The following GALNT16 variants were observed in gnomAD, a reference collection of about 807,000 sequenced individuals.
GALNT16 encodes polypeptide N-acetylgalactosaminyltransferase 16, also known as UDP-GalNAc:polypeptide N-acetylgalactosaminyltransferase-like protein 1.
A neutral mutation model predicts 76.1 loss-of-function variants in GALNT16; 40 were observed. The observed-to-expected ratio is 0.53, with a 90% CI of 0.41 to 0.68. The LOEUF (loss-of-function observed/expected upper bound fraction) is 0.68, where lower values mean the gene tolerates loss of function less well. Among genes scored for constraint, GALNT16 ranks in the 30% least tolerant of loss-of-function variants. The pLI is 0.00. For missense variants in GALNT16, 621 were observed against 731.9 expected (o/e 0.85, Z 1.75); for synonymous variants, 276 against 285.2 (o/e 0.97, Z 0.32).
In GALNT16 at chr14:69,287,039, A is replaced by C. The variant is rs551045764; in HGVS notation, c.177+26572A>C. Among the ~76,000 whole-genome samples the C allele has an allele frequency of 2.0e-5, 3 of 152,288 alleles. No individual in the cohort carries two copies. In the South Asian group the frequency reaches 6.2e-4, roughly 32 times the overall value. On this transcript the variant is annotated intron_variant, in intron 1 of 14. Transcript: ENST00000448469. ...TTGACCAGTGTAGCCCCCATCAGTG[A>C]ATCAAGAGACTTTCCCGGACATATG...
At chr14:69,285,935 C>T (rs1054162421) in intron 1 of GALNT16, among the ~76,000 whole-genome samples, 10 of 152,188 alleles carry the variant, frequency 6.6e-5, no homozygotes, top group Admixed American at 6.5e-4. Context: ...AGCTCAGCAT[C>T]CTGGTCTGAC....
the GALNT16 span, chr14:69,380,619 T>C: frequency 6.2e-7 from 1 of 1,611,062 alleles, no homozygotes; most frequent in Non-Finnish European, 8.5e-7. Flanking sequence ...AAGGCTGGTA[T>C]GTCTGGGTAT....
chr14:69,345,768 G>T (rs1418700342), intron 12 of GALNT16, among the ~76,000 whole-genome samples: 1 of 147,520 alleles, frequency 6.8e-6, no homozygotes, highest in Non-Finnish European at 1.5e-5. Flanking sequence ...ATTTTCCTGG[G>T]CATATAAAGT....
At chr14:69,260,798 G>A (rs1040023304) in intron 1 of GALNT16, among the ~76,000 whole-genome samples, 4 of 152,052 alleles carry the variant, frequency 2.6e-5, no homozygotes, top group Non-Finnish European at 5.9e-5. Flanking sequence ...GGCTGCGGGA[G>A]CCTCGTGTGC....
In GALNT16 at chr14:69,339,598, C is replaced by T; in HGVS notation, c.1166C>T (p.Ala389Val). The change falls in exon 11 of 15, where the codon GCC (alanine) becomes GTC (valine). Residue 389 changes from alanine to valine, a missense_variant. Ala to Val is a moderately conservative substitution (Grantham distance 64). Coordinates refer to ENST00000448469, the MANE Select transcript of GALNT16 (RefSeq NM_001168368.2). Reference protein sequence around the residue: ...KQYYYEARPSAIGKAFGSVAT... With the variant: ...KQYYYEARPSVIGKAFGSVAT... The stretch of plus-strand genomic sequence containing the variant: ...TACTACTATGAGGCCCGGCCCTCGG[C>T]CATCGGGAAGGCCTTCGGCAGGTGG... 1 of 1,607,354 alleles carries T rather than the reference C, an allele frequency of 6.2e-7. No homozygotes were observed. Among genetic ancestry groups the T allele is most frequent in the Non-Finnish European group, 8.5e-7 (1 of 1,175,660 alleles).
intron 1 of GALNT16, among the ~76,000 whole-genome samples, chr14:69,285,216 A>T (rs1437688013): frequency 2.6e-5 from 4 of 151,622 alleles, no homozygotes; most frequent in Admixed American, 2.0e-4. Flanking sequence ...AATTTTTTGT[A>T]TTTTTAGTAG....
chr14:69,312,830 C>T (rs984540526), intron 1 of GALNT16, among the ~76,000 whole-genome samples: 3 of 152,112 alleles, frequency 2.0e-5, no homozygotes, highest in African/African-American at 7.2e-5. Flanking sequence ...AGCTGTGTGC[C>T]GGGCACCAGA....
chr14:69,263,819 A>G (rs1219482120), intron 1 of GALNT16, among the ~76,000 whole-genome samples: 1 of 152,264 alleles, frequency 6.6e-6, no homozygotes, highest in African/African-American at 2.4e-5. Flanking sequence ...TGTAAAGCTA[A>G]AGGGAGATAC....
intron 2 of GALNT16, among the ~76,000 whole-genome samples, chr14:69,322,923 GGGGTGTGTGTGTGTGTGTGTGTGTGT>G (rs2045210417): frequency 1.9e-5 from 2 of 105,152 alleles, no homozygotes; most frequent in East Asian, 7.1e-4. Context: ...GGTGGCTCAC[GGGGTGTGTGTGTGTGTGTGTGTGTGT>G]GTGTGTGTGT....
intron 1 of GALNT16, among the ~76,000 whole-genome samples, chr14:69,282,927 A>G (rs1250924385): frequency 2.0e-5 from 3 of 151,882 alleles, no homozygotes; most frequent in African/African-American, 7.3e-5. Flanking sequence ...TTGCCTCCCA[A>G]AGTTTTGGGA....
At chr14:69,316,621 G>T (rs1374453021) in intron 1 of GALNT16, among the ~76,000 whole-genome samples, 5 of 152,112 alleles carry the variant, frequency 3.3e-5, no homozygotes, top group African/African-American at 1.2e-4. Context: ...GTTTGAGCAG[G>T]GCCCTGCAGG....
intron 3 of GALNT16, 25 bp from the exon 4 acceptor site, chr14:69,325,312 T>C: frequency 6.7e-7 from 1 of 1,495,440 alleles, no homozygotes; most frequent in South Asian, 1.1e-5. Context: ...TCCAGGCTCT[T>C]TCTCTGTTTC....
At chr14:69,302,379 T>A (rs1185230875) in intron 1 of GALNT16, among the ~76,000 whole-genome samples, 2 of 152,336 alleles carry the variant, frequency 1.3e-5, no homozygotes, top group East Asian at 3.9e-4. Flanking sequence ...TCTCATTCTC[T>A]CTTTCTCTGT....
At chr14:69,319,938 C>T (rs758514114) in intron 1 of GALNT16, among the ~76,000 whole-genome samples, 2 of 152,218 alleles carry the variant, frequency 1.3e-5, no homozygotes, top group Non-Finnish European at 2.9e-5. Flanking sequence ...TTTTACTGAT[C>T]GGGTGCCTCA....
At chr14:69,267,262 G>A (rs1435292868) in intron 1 of GALNT16, among the ~76,000 whole-genome samples, 1 of 152,182 alleles carries the variant, frequency 6.6e-6, no homozygotes, top group Admixed American at 6.5e-5. Flanking sequence ...GTCACCCAGG[G>A]AACTTCTGTG....
rs1455637801 is a variant in GALNT16 at position 69,352,177 on chromosome 14, C to T, written c.*9C>T. The T allele has an allele frequency of 6.2e-7, 1 of 1,600,048 alleles. No individual in the cohort carries two copies. The highest frequency in any genetic ancestry group is 8.5e-7 in the Non-Finnish European group (1 of 1,172,324). On this transcript the variant is annotated 3_prime_UTR_variant, in exon 15 of 15. Transcript: ENST00000448469. ...TGTTGCCACACACATGACGGTAGCC[C>T]TGGGGCCTCCTGTACCTTTTGCATG...
intron 11 of GALNT16, among the ~76,000 whole-genome samples, chr14:69,340,039 T>C (rs535957140): frequency 1.3e-5 from 2 of 152,296 alleles, no homozygotes; most frequent in African/African-American, 4.8e-5. Context: ...GCAGATGGGT[T>C]GTGAAATCAA....
Position 69,260,430 on chromosome 14 carries a change from C to T in GALNT16, c.140C>T (p.Ser47Leu). The T allele has an allele frequency of 6.3e-7, 1 of 1,585,806 alleles. No homozygotes were observed. Among genetic ancestry groups the T allele is most frequent in the Non-Finnish European group, 8.6e-7 (1 of 1,165,318 alleles). Reference sequence around the variant, plus strand: ...GGCGCGCAGAGGGCAGGCAGGAGGTCGGAGCAGCTCCGCGAGGACCGCACC... The same window carrying T: ...GGCGCGCAGAGGGCAGGCAGGAGGTTGGAGCAGCTCCGCGAGGACCGCACC... ...GRGAQRAGRR[S>L]EQLREDRTIP... Residue 47 changes from serine (S) to leucine (L), a missense_variant, in exon 1 of 15, where the codon TCG becomes TTG. Ser to Leu is a moderately radical substitution (Grantham distance 145). Transcript: ENST00000448469.
At chr14:69,282,132 T>G (rs1236298418) in intron 1 of GALNT16, among the ~76,000 whole-genome samples, 1 of 152,126 alleles carries the variant, frequency 6.6e-6, no homozygotes, top group Non-Finnish European at 1.5e-5. Flanking sequence ...ATGGTGAGGT[T>G]TCATCGCTTT....
Sources: allele counts gnomAD v4.1 joint callset (sites outside exome capture counted in the v4.1 genomes callset), GRCh38; gene constraint gnomAD v4.1.1; transcripts MANE v1.5; gene names NCBI Gene and HGNC (gene_info 2026-07-23, HGNC 2026-07-21).